The following CADM2 variants were observed in gnomAD, a reference collection of about 807,000 sequenced individuals.
CADM2 encodes cell adhesion molecule 2.
Under a neutral mutation model 49.8 loss-of-function variants are expected in CADM2, and 12 were observed. The ratio of observed to expected loss-of-function variants is 0.24; its 90% CI spans 0.15 to 0.39. CADM2 has a LOEUF of 0.39. CADM2 is among the 10% of genes least tolerant of loss of function. The pLI is 1.00. For synonymous variants in CADM2, 214 were observed against 175.4 expected, an observed-to-expected ratio of 1.22 and a Z score of -1.74; for missense variants, 378 against 492.3, an observed-to-expected ratio of 0.77 and a Z score of 2.20.
At chr3:85,691,178 T>C (rs2066375037) in intron 1 of CADM2, among the ~76,000 whole-genome samples, 1 of 152,178 alleles carries the variant, frequency 6.6e-6, no homozygotes, top group Non-Finnish European at 1.5e-5. Context: ...TCATGCAACA[T>C]TTGTCTTTCT....
chr3:84,959,014 C>T lies in CADM2; in HGVS notation c.-594C>T, dbSNP rs950928121. ...GTAGAGCTGCCGCCGTCGCCGCTGC[C>T]GCTGCCGCCACAGCCGCCGCTGCAG... On this transcript the variant is annotated 5_prime_UTR_variant, in exon 1 of 10. Transcript: ENST00000383699. The T allele has an allele frequency of 1.4e-4, 28 of 202,032 alleles. No homozygotes were observed. Among genetic ancestry groups the T allele is most frequent in the Non-Finnish European group, 2.5e-4 (25 of 101,670 alleles). The allele number at this position is 202,032 out of a possible 1,614,324, so 12.5% of individuals were successfully genotyped here. A position where few individuals can be genotyped will look rare whatever the true frequency, so the allele number is the denominator to read the frequency against.
At chr3:85,670,234 A>T (rs558302834) in intron 1 of CADM2, among the ~76,000 whole-genome samples, 1 of 152,314 alleles carries the variant, frequency 6.6e-6, no homozygotes, top group Admixed American at 6.5e-5. Flanking sequence ...TCCTGTTCAC[A>T]TATGAATTCT....
chr3:85,439,302 C>T (rs2037080451), intron 1 of CADM2, among the ~76,000 whole-genome samples: 1 of 151,746 alleles, frequency 6.6e-6, no homozygotes, highest in Non-Finnish European at 1.5e-5. Context: ...TACAGGCATG[C>T]ACCACCACTC....
chr3:86,056,183 G>A (rs73136136), intron 8 of CADM2, among the ~76,000 whole-genome samples: 2 of 152,126 alleles, frequency 1.3e-5, no homozygotes, highest in African/African-American at 4.8e-5. Flanking sequence ...GGGAAAGGAG[G>A]TGAAGCGTTT....
intron 1 of CADM2, among the ~76,000 whole-genome samples, chr3:84,988,190 G>GGA (rs1451003213): frequency 1.3e-5 from 2 of 152,058 alleles, no homozygotes; most frequent in Admixed American, 1.3e-4. Context: ...AAAGAGAGAG[G>GGA]GAGAGAGAGA....
intron 1 of CADM2, among the ~76,000 whole-genome samples, chr3:85,015,083 C>T (rs990302170): frequency 5.3e-5 from 8 of 151,982 alleles, no homozygotes; most frequent in African/African-American, 1.9e-4. Flanking sequence ...TTGTGCCGTA[C>T]ATAGTATACA....
chr3:85,202,974 C>T (rs2041546219), intron 1 of CADM2, among the ~76,000 whole-genome samples: 1 of 152,178 alleles, frequency 6.6e-6, no homozygotes, highest in African/African-American at 2.4e-5. Flanking sequence ...TAGCTTCGAA[C>T]TTTTCTTCTG....
At chr3:86,035,816 T>C (rs538796536) in intron 8 of CADM2, among the ~76,000 whole-genome samples, 8 of 152,120 alleles carry the variant, frequency 5.3e-5, no homozygotes, top group Non-Finnish European at 1.2e-4. Context: ...TATGATATAC[T>C]GGTGGCTTAA....
chr3:85,417,330 T>C (rs1008695995), intron 1 of CADM2, among the ~76,000 whole-genome samples: 4 of 152,196 alleles, frequency 2.6e-5, no homozygotes, highest in Non-Finnish European at 5.9e-5. Flanking sequence ...CCAGTTTCTA[T>C]GCTACTGCTA....
At chr3:85,730,876 G>A (rs1353392604) in intron 2 of CADM2, among the ~76,000 whole-genome samples, 3 of 152,086 alleles carry the variant, frequency 2.0e-5, no homozygotes, top group Non-Finnish European at 2.9e-5. Flanking sequence ...CCAGCTTTTA[G>A]ATATTATTTT....
intron 1 of CADM2, among the ~76,000 whole-genome samples, chr3:85,428,204 A>T: frequency 6.9e-6 from 1 of 145,902 alleles, no homozygotes; most frequent in East Asian, 2.0e-4. Context: ...CCTAAATTGT[A>T]AAAAAAAAAG....
chr3:85,757,708 T>G (rs1435488535), intron 2 of CADM2, among the ~76,000 whole-genome samples: 1 of 152,122 alleles, frequency 6.6e-6, no homozygotes, highest in Non-Finnish European at 1.5e-5. Flanking sequence ...GACTTCAAGT[T>G]TTTTATGACT....
intron 3 of CADM2, among the ~76,000 whole-genome samples, chr3:85,831,831 A>G (rs2108231524): frequency 6.7e-6 from 1 of 149,716 alleles, no homozygotes; most frequent in Admixed American, 6.7e-5. Flanking sequence ...AAGCTCTTTA[A>G]TTAGGTTCCA....
At chr3:85,016,586 A>G (rs1267544461) in intron 1 of CADM2, among the ~76,000 whole-genome samples, 1 of 152,138 alleles carries the variant, frequency 6.6e-6, no homozygotes, top group Non-Finnish European at 1.5e-5. Context: ...TGAGGTCAAG[A>G]GTTCAAGGCC....
intron 1 of CADM2, among the ~76,000 whole-genome samples, chr3:85,579,323 T>C (rs1456228527): frequency 6.6e-6 from 1 of 152,158 alleles, no homozygotes; most frequent in Non-Finnish European, 1.5e-5. Context: ...TCTAGGACTC[T>C]TTCTTTATTC....
intron 8 of CADM2, among the ~76,000 whole-genome samples, chr3:86,001,913 AT>A (rs576769553): frequency 2.8e-4 from 42 of 152,098 alleles, no homozygotes; most frequent in Non-Finnish European, 5.0e-4. Flanking sequence ...GGATACTGGA[AT>A]TTCCCAGGGT....
chr3:85,539,482 C>A (rs1461315127), intron 1 of CADM2, among the ~76,000 whole-genome samples: 1 of 152,042 alleles, frequency 6.6e-6, no homozygotes, highest in Non-Finnish European at 1.5e-5. Context: ...GCAAACATAT[C>A]CCTAGCACCC....
intron 1 of CADM2, among the ~76,000 whole-genome samples, chr3:85,055,820 T>C (rs2036058884): frequency 6.6e-6 from 1 of 152,044 alleles, no homozygotes; most frequent in African/African-American, 2.4e-5. Context: ...GGAAACTTGT[T>C]AAAAATGTAG....
chr3:85,454,266 G>C (rs1369323205), intron 1 of CADM2, among the ~76,000 whole-genome samples: 1 of 152,076 alleles, frequency 6.6e-6, no homozygotes, highest in Non-Finnish European at 1.5e-5. Flanking sequence ...GGGAGGTGGA[G>C]GTTGCAGTGA....
Sources: gnomAD v4.1 joint callset for allele counts (sites outside exome capture counted in the v4.1 genomes callset) on GRCh38, gnomAD v4.1.1 for gene constraint, MANE v1.5 for transcripts, NCBI Gene and HGNC (gene_info 2026-07-23, HGNC 2026-07-21) for gene names.